Variants in SERPIND1 observed in about 807,000 individuals in gnomAD.
The protein encoded by SERPIND1 is serpin family D member 1.
In SERPIND1, 34 loss-of-function variants were observed where a neutral mutation model predicts 35.0. The ratio of observed to expected loss-of-function variants is 0.97; its 90% CI spans 0.74 to 1.29. The LOEUF (loss-of-function observed/expected upper bound fraction) is 1.29, where lower values mean the gene tolerates loss of function less well. Among genes scored for constraint, SERPIND1 ranks in the 50% most tolerant of loss-of-function variants. The pLI is 0.00. For synonymous variants in SERPIND1, 236 were observed against 241.1 expected (o/e 0.98, Z 0.19); for missense variants, 633 against 637.7 (o/e 0.99, Z 0.08).
chr22:20,780,284 ACTGTAG>A, intron 2 of SERPIND1, 83 bp downstream of exon 2: 1 of 1,588,152 alleles, frequency 6.3e-7, no homozygotes, highest in South Asian at 1.1e-5. Context: ...CAAGAACTGT[ACTGTAG>A]CTATAATTTA....
chr22:20,781,059 T>G lies in SERPIND1; in HGVS notation c.889+858T>G, dbSNP rs1045807731. On this transcript the variant is annotated intron_variant, in intron 2 of 4. Coordinates refer to ENST00000215727, the MANE Select transcript of SERPIND1 (RefSeq NM_000185.4). ...ACCTACAAGTGCTTTTCAGGATACTTTTGAACTACTGGGCAGGTGGGATGG... is the reference window on the plus strand; with the variant it reads ...ACCTACAAGTGCTTTTCAGGATACTGTTGAACTACTGGGCAGGTGGGATGG... Among the ~76,000 whole-genome samples the G allele has an allele frequency of 3.9e-5, 6 of 152,222 alleles. No homozygotes were observed. The South Asian group carries it at 1.2e-3, about 32-fold the overall frequency.
At chr22:20,782,451 T>C (rs1399890125) in intron 2 of SERPIND1, among the ~76,000 whole-genome samples, 1 of 152,002 alleles carries the variant, frequency 6.6e-6, no homozygotes, top group Non-Finnish European at 1.5e-5. Flanking sequence ...AGGGGACGAG[T>C]GTCTAGAAGT....
chr22:20,781,460 C>T (rs751878670), intron 2 of SERPIND1, among the ~76,000 whole-genome samples: 3 of 152,196 alleles, frequency 2.0e-5, no homozygotes, highest in Non-Finnish European at 4.4e-5. Flanking sequence ...GCAGCCCAGG[C>T]GAAGGAAGGA....
rs1329510322 is a variant in SERPIND1, at chr22:20,779,770, T to A, written c.458T>A (p.Ile153Lys). Residue 153 changes from isoleucine (I) to lysine (K), a missense_variant, in exon 2 of 5, where the codon ATA becomes AAA. Ile to Lys is a moderately radical substitution (Grantham distance 102). Transcript: ENST00000215727. ...DQVNTFDNIF[I>K]APVGISTAMG... ...GTCAACACTTTCGATAACATCTTCA[T>A]AGCACCCGTTGGCATTTCTACTGCG... The A allele has an allele frequency of 6.2e-7, 1 of 1,614,210 alleles. No individual in the cohort carries two copies. The highest frequency in any genetic ancestry group is 1.7e-5 in the Admixed American group (1 of 60,028).
intron 2 of SERPIND1, among the ~76,000 whole-genome samples, chr22:20,782,304 C>A (rs759446973): frequency 1.4e-4 from 21 of 152,164 alleles, no homozygotes; most frequent in Non-Finnish European, 5.9e-5. Context: ...AACACAGTAA[C>A]CCGTGTCATA....
chr22:20,781,220 A>T (rs915817423), intron 2 of SERPIND1, among the ~76,000 whole-genome samples: 2 of 152,218 alleles, frequency 1.3e-5, no homozygotes, highest in African/African-American at 4.8e-5. Flanking sequence ...GATTTGTAAA[A>T]TCCAAACCTC....
In SERPIND1 at chr22:20,779,567, A is replaced by G. The variant is rs1933589264; in HGVS notation, c.255A>G (p.Ile85Met). Residue 85 changes from isoleucine to methionine, a missense_variant, in exon 2 of 5, where the codon ATA becomes ATG. Ile to Met is a conservative substitution (Grantham distance 10, BLOSUM62 1). Transcript: ENST00000215727. ...ACGACTATCTGGACCTGGAGAAGAT[A>G]TTCAGTGAAGACGACGACTACATCG... Reference protein sequence around the residue: ...EDDDYLDLEKIFSEDDDYIDI... With the variant: ...EDDDYLDLEKMFSEDDDYIDI... The G allele has an allele frequency of 1.2e-6, 2 of 1,614,106 alleles. No homozygotes were observed. The highest frequency in any genetic ancestry group is 1.7e-6 in the Non-Finnish European group (2 of 1,180,014).
chr22:20,779,515 A>T lies in SERPIND1; in HGVS notation c.203A>T (p.Asp68Val). Residue 68 changes from aspartate (D) to valine (V), a missense_variant, in exon 2 of 5, where the codon GAC becomes GTC. Physicochemically the swap from Asp to Val is radical, Grantham distance 152 (BLOSUM62 -3). Coordinates refer to ENST00000215727, the MANE Select transcript of SERPIND1 (RefSeq NM_000185.4). ...DFHKENTVTN[D>V]WIPEGEEDDD... is the part of the protein sequence containing the mutation. ...CACAAGGAAAACACCGTCACCAACG[A>T]CTGGATTCCAGAGGGGGAGGAGGAC... 1 of 1,614,038 alleles carries T rather than the reference A, an allele frequency of 6.2e-7. No homozygotes were observed. Among genetic ancestry groups the T allele is most frequent in the Non-Finnish European group, 8.5e-7 (1 of 1,179,868 alleles).
In SERPIND1 at chr22:20,786,909, A is replaced by C. The variant is rs767441920; in HGVS notation, c.1343A>C (p.Glu448Ala). 5.6e-6 allele frequency: 9 copies of C among 1,614,108 alleles called. No individual in the cohort carries two copies. The South Asian group carries it at 7.7e-5, about 14-fold the overall frequency. ...KHQGTITVNE[E>A]GTQATTVTTV... The stretch of plus-strand genomic sequence containing the variant: ...CAAGGCACGATCACAGTGAACGAGG[A>C]AGGCACCCAAGCCACCACTGTGACC... Residue 448 changes from glutamate to alanine, a missense_variant, in exon 5 of 5, where the codon GAA (glutamate) becomes GCA (alanine). Transcript: ENST00000215727.
chr22:20,777,668 G>A (rs1015291507), intron 1 of SERPIND1, among the ~76,000 whole-genome samples: 3 of 152,208 alleles, frequency 2.0e-5, no homozygotes, highest in Non-Finnish European at 2.9e-5. Flanking sequence ...TCTTTCTGGG[G>A]TGATTAGAAG....
In SERPIND1 at chr22:20,787,056, G is replaced by C. The variant is rs776312095; in HGVS notation, c.1490G>C (p.Ser497Thr). 1 of 1,614,140 alleles carries C rather than the reference G, an allele frequency of 6.2e-7. No homozygotes were observed. Among genetic ancestry groups the C allele is most frequent in the Non-Finnish European group, 8.5e-7 (1 of 1,180,034 alleles). The change falls in exon 5 of 5, where the codon AGC becomes ACC. Residue 497 changes from serine to threonine, a missense_variant. Coordinates refer to ENST00000215727, the MANE Select transcript of SERPIND1 (RefSeq NM_000185.4). ...LLFMGRVANP[S>T]RS is the part of the protein sequence containing the mutation. The stretch of plus-strand genomic sequence containing the variant: ...TTCATGGGAAGAGTGGCCAACCCCA[G>C]CAGGTCCTAGAGGTGGAGGTCTAGG...
chr22:20,779,623 C>A lies in SERPIND1; in HGVS notation c.311C>A (p.Thr104Lys), dbSNP rs754910028. 1.1e-5 allele frequency: 18 copies of A among 1,614,110 alleles called. No individual in the cohort carries two copies. Among genetic ancestry groups the A allele is most frequent in the Non-Finnish European group, 1.4e-5 (17 of 1,180,032 alleles). ...GTCGACAGTCTGTCAGTTTCCCCGA[C>A]AGACTCTGATGTGAGTGCTGGGAAC... ...DIVDSLSVSP[T>K]DSDVSAGNIL... is the part of the protein sequence containing the mutation. Residue 104 changes from threonine (T) to lysine (K), a missense_variant, in exon 2 of 5, where the codon ACA (threonine) becomes AAA (lysine). Coordinates refer to ENST00000215727, the MANE Select transcript of SERPIND1 (RefSeq NM_000185.4).
chr22:20,780,425 T>A (rs1451995890), intron 2 of SERPIND1, among the ~76,000 whole-genome samples: 1 of 152,188 alleles, frequency 6.6e-6, no homozygotes, highest in African/African-American at 2.4e-5. Flanking sequence ...TGTGAGGTCA[T>A]CACTGTTATT....
intron 2 of SERPIND1, 124 bp from the exon 3 acceptor site, chr22:20,783,848 C>A (rs980499331): frequency 3.1e-6 from 4 of 1,288,036 alleles, no homozygotes; most frequent in African/African-American, 2.9e-5. Context: ...AATCAAGAGA[C>A]TGTGGGGTCG....
chr22:20,787,374 T>G lies in SERPIND1; in HGVS notation c.*308T>G, dbSNP rs1569033944. The stretch of plus-strand genomic sequence containing the variant: ...GCAGCGCGTCCTAAGCACCTCCCGC[T>G]CCGGTGACCCCATCCTTGCACACCT... On this transcript the variant is annotated 3_prime_UTR_variant, in exon 5 of 5. Transcript: ENST00000215727. 2.5e-6 allele frequency: 1 copy of G among 407,162 alleles called. No homozygotes were observed. Among genetic ancestry groups the G allele is most frequent in the Non-Finnish European group, 4.6e-6 (1 of 215,318 alleles). The allele number at this position is 407,162 out of a possible 1,614,324, so 25.2% of individuals were successfully genotyped here.
rs371870886 is a variant in SERPIND1 at position 20,779,054 on chromosome 22, T to TA, written c.-16-240dup. The TA allele has an allele frequency of 2.6e-4, 233 of 886,892 alleles. No individual in the cohort carries two copies. The African/African-American group carries it at 2.7e-3, about 10-fold the overall frequency. The allele number at this position is 886,892 out of a possible 1,614,324, so 54.9% of individuals were successfully genotyped here. A position where few individuals can be genotyped will look rare whatever the true frequency, so the allele number is the denominator to read the frequency against. ...CTAGAAGGTTAGTTTTGCAAACCTT[T>TA]AAAGAAGGGATTTTCATCAAGGGGC... On this transcript the variant is annotated intron_variant, in intron 1 of 4. Coordinates refer to ENST00000215727, the MANE Select transcript of SERPIND1 (RefSeq NM_000185.4).
At chr22:20,777,683 G>C (rs1933414839) in intron 1 of SERPIND1, among the ~76,000 whole-genome samples, 1 of 152,148 alleles carries the variant, frequency 6.6e-6, no homozygotes, top group Non-Finnish European at 1.5e-5. Context: ...TAGAAGTTGG[G>C]ACCATGTATT....
Position 20,779,968 on chromosome 22 carries a change from GGTCA to G in SERPIND1, c.661_664del (p.Val221MetfsTer19), listed in dbSNP as rs778324769. Reference sequence around the variant, plus strand: ...AGGAGGAATTTTGGGTACACACTGCGGTCAGTCAATGACCTTTATATCCAGAAGC... The same window carrying G: ...AGGAGGAATTTTGGGTACACACTGCGGTCAATGACCTTTATATCCAGAAGC... On this transcript the variant is annotated frameshift_variant, in exon 2 of 5. Transcript: ENST00000215727. LOFTEE classifies it high-confidence loss of function. 7 of 1,614,116 alleles carry G rather than the reference GGTCA, an allele frequency of 4.3e-6. No individual in the cohort carries two copies. The East Asian group carries it at 8.9e-5, about 21-fold the overall frequency.
chr22:20,780,305 G>A (rs1201958345), intron 2 of SERPIND1, 104 bp downstream of exon 2: 1 of 1,547,296 alleles, frequency 6.5e-7, no homozygotes, highest in East Asian at 2.2e-5. Flanking sequence ...AATTTATCCA[G>A]GAAAACTAGA....
Sources: gnomAD v4.1 joint callset for allele counts (sites outside exome capture counted in the v4.1 genomes callset) on GRCh38, gnomAD v4.1.1 for gene constraint, MANE v1.5 for transcripts, NCBI Gene and HGNC (gene_info 2026-07-23, HGNC 2026-07-21) for gene names.